The following MAP3K7CL variants were observed in gnomAD, a reference collection of about 807,000 sequenced individuals.
MAP3K7CL encodes MAP3K7 C-terminal like.
A neutral mutation model predicts 18.6 loss-of-function variants in MAP3K7CL; 16 were observed. The ratio of observed to expected loss-of-function variants is 0.86; its 90% CI spans 0.58 to 1.31. The LOEUF (loss-of-function observed/expected upper bound fraction) is 1.31. Among genes scored for constraint, MAP3K7CL ranks in the 50% most tolerant of loss-of-function variants. The pLI is 0.00. For synonymous variants in MAP3K7CL, 65 were observed against 66.8 expected (o/e 0.97, Z 0.13); for missense variants, 163 against 174.4 (o/e 0.93, Z 0.37).
At chr21:29,119,756 G>A (rs144487092) in intron 4 of MAP3K7CL, among the ~76,000 whole-genome samples, 6,880 of 148,706 alleles carry the variant, frequency 0.046, 523 homozygotes, top group African/African-American at 0.16. Context: ...TCCACCTCCC[G>A]GGTTCAAGGG....
At chr21:29,161,927 T>C (rs1172928236) in intron 4 of MAP3K7CL, among the ~76,000 whole-genome samples, 1 of 152,196 alleles carries the variant, frequency 6.6e-6, no homozygotes, top group Non-Finnish European at 1.5e-5. Flanking sequence ...AAACATAAAA[T>C]TGTATCTAGA....
intron 1 of MAP3K7CL, among the ~76,000 whole-genome samples, chr21:29,132,580 G>A (rs1261609140): frequency 6.6e-6 from 1 of 152,066 alleles, no homozygotes; most frequent in Non-Finnish European, 1.5e-5. Context: ...TACGATCTCG[G>A]TTGACTGCAA....
In MAP3K7CL at chr21:29,175,564, T is replaced by A. The variant is rs185279051; in HGVS notation, c.*672T>A. 1.8e-3 allele frequency: 267 copies of A among 152,354 alleles called. 5 individuals are homozygous for A. Among genetic ancestry groups the A allele is most frequent in the African/African-American group, 6.3e-3 (261 of 41,580 alleles). The allele number at this position is 152,354 out of a possible 1,614,324, so 9.4% of individuals were successfully genotyped here. ...AATAAACAGATAAGGCTGCATTTGCTTCATGCCATGTGACCTCACAGTAAA... is the reference window on the plus strand; with the variant it reads ...AATAAACAGATAAGGCTGCATTTGCATCATGCCATGTGACCTCACAGTAAA... On this transcript the variant is annotated 3_prime_UTR_variant, in exon 5 of 5. Coordinates refer to ENST00000399928, the MANE Select transcript of MAP3K7CL (RefSeq NM_001286620.2).
At chr21:29,133,438 A>T in intron 2 of MAP3K7CL, 24 bp downstream of exon 2, 1 of 1,496,268 alleles carries the variant, frequency 6.7e-7, no homozygotes, top group Non-Finnish European at 9.0e-7. Context: ...TGGAAGAAGG[A>T]TTGTTTCCTT....
chr21:29,094,269 C>G (rs2086081895), intron 4 of MAP3K7CL, among the ~76,000 whole-genome samples: 1 of 152,176 alleles, frequency 6.6e-6, no homozygotes, highest in Non-Finnish European at 1.5e-5. Context: ...TATCTGGCCC[C>G]AAATGTCCAT....
chr21:29,104,251 AT>A (rs369909338), intron 4 of MAP3K7CL, among the ~76,000 whole-genome samples: 15 of 149,070 alleles, frequency 1.0e-4, no homozygotes, highest in East Asian at 9.9e-4. Context: ...AACAACAGAC[AT>A]TTTTTTTTTC....
At chr21:29,120,972 G>A (rs1333797787) in intron 4 of MAP3K7CL, among the ~76,000 whole-genome samples, 1 of 149,750 alleles carries the variant, frequency 6.7e-6, no homozygotes. Context: ...AGTCTGAGGT[G>A]GGAGCATCAC....
At chr21:29,094,213 G>C (rs1476423257) in intron 4 of MAP3K7CL, among the ~76,000 whole-genome samples, 2 of 152,212 alleles carry the variant, frequency 1.3e-5, no homozygotes, top group Non-Finnish European at 2.9e-5. Flanking sequence ...CCAGAGGCTA[G>C]CCTAAACATC....
chr21:29,166,081 G>T (rs369406440), intron 4 of MAP3K7CL, among the ~76,000 whole-genome samples: 15 of 152,250 alleles, frequency 9.9e-5, no homozygotes, highest in African/African-American at 3.6e-4. Context: ...ACCCTACTGT[G>T]CAGGAGAACA....
chr21:29,081,857 CAAGAT>C (rs1160718794), upstream of MAP3K7CL, among the ~76,000 whole-genome samples: 1 of 152,096 alleles, frequency 6.6e-6, no homozygotes, highest in Non-Finnish European at 1.5e-5. Flanking sequence ...CTTTCAATAA[CAAGAT>C]AAGATTGTTT....
intron 4 of MAP3K7CL, chr21:29,108,918 T>G (rs1170117612): frequency 9.1e-6 from 8 of 876,792 alleles, no homozygotes; most frequent in Non-Finnish European, 1.2e-5. Context: ...GTGTGAAAAT[T>G]AGTCAAAATG....
chr21:29,111,053 A>G (rs958765233), intron 4 of MAP3K7CL, among the ~76,000 whole-genome samples: 2 of 151,984 alleles, frequency 1.3e-5, no homozygotes, highest in Non-Finnish European at 2.9e-5. Context: ...CCAGGAAATC[A>G]AGACCATCCT....
rs550189723 is a variant in MAP3K7CL, at chr21:29,156,460, G to T, written c.133-3481G>T. On this transcript the variant is annotated intron_variant, in intron 3 of 4. Coordinates refer to ENST00000399928, the MANE Select transcript of MAP3K7CL (RefSeq NM_001286620.2). ...ACATGTCATGTTACTTAAGCGTACT[G>T]ACACTCCATTTTTAAACTGGAAACC... Among the ~76,000 whole-genome samples the T allele has an allele frequency of 1.1e-4, 17 of 152,310 alleles. No individual in the cohort carries two copies. The South Asian group carries it at 3.5e-3, about 32-fold the overall frequency.
At chr21:29,106,266 A>G (rs1158064056) in intron 4 of MAP3K7CL, among the ~76,000 whole-genome samples, 1 of 152,000 alleles carries the variant, frequency 6.6e-6, no homozygotes, top group Non-Finnish European at 1.5e-5. Context: ...AGCTCACCAC[A>G]ACCTCTGCCT....
chr21:29,124,218 G>T (rs1347803501), intron 4 of MAP3K7CL, among the ~76,000 whole-genome samples: 1 of 151,924 alleles, frequency 6.6e-6, no homozygotes, highest in Non-Finnish European at 1.5e-5. Flanking sequence ...GCTGGGCGTG[G>T]TGGCAGGCAC....
chr21:29,149,971 C>G (rs1053391468), intron 3 of MAP3K7CL, among the ~76,000 whole-genome samples: 1 of 152,188 alleles, frequency 6.6e-6, no homozygotes, highest in African/African-American at 2.4e-5. Flanking sequence ...ACTTTGTAGT[C>G]ACATTTAGGC....
At chr21:29,113,566 GC>G (rs2086455941) in intron 4 of MAP3K7CL, among the ~76,000 whole-genome samples, 1 of 152,072 alleles carries the variant, frequency 6.6e-6, no homozygotes, top group Admixed American at 6.6e-5. Context: ...CAATTCTTGT[GC>G]CAGGCTGGAG....
At chr21:29,094,659 T>A (rs1360557807) in intron 4 of MAP3K7CL, among the ~76,000 whole-genome samples, 1 of 152,146 alleles carries the variant, frequency 6.6e-6, no homozygotes, top group Admixed American at 6.5e-5. Flanking sequence ...TGTGTGTGAT[T>A]TGAGATAATG....
intron 4 of MAP3K7CL, among the ~76,000 whole-genome samples, chr21:29,166,527 A>G (rs1568973081): frequency 6.6e-6 from 1 of 152,216 alleles, no homozygotes; most frequent in East Asian, 1.9e-4. Flanking sequence ...CACCCCAGAA[A>G]TAAATCTGGC....
Sources: gnomAD v4.1 joint callset for allele counts (sites outside exome capture counted in the v4.1 genomes callset) on GRCh38, gnomAD v4.1.1 for gene constraint, MANE v1.5 for transcripts, NCBI Gene and HGNC (gene_info 2026-07-23, HGNC 2026-07-21) for gene names.